WDSUB1: variants seen among roughly 807,000 people sequenced by gnomAD.
WDSUB1 encodes WD repeat, sterile alpha motif and U-box domain containing 1, also known as WD repeat, SAM and U-box domain-containing protein 1.
Under a neutral mutation model 53.9 loss-of-function variants are expected in WDSUB1, and 49 were observed. The ratio of observed to expected loss-of-function variants is 0.91; its 90% CI spans 0.72 to 1.15. The LOEUF (loss-of-function observed/expected upper bound fraction) is 1.15, where lower values mean the gene tolerates loss of function less well. Ranked by LOEUF, WDSUB1 falls within the 50% of genes most tolerant of loss-of-function variation. WDSUB1 has a pLI of 0.00. For missense variants in WDSUB1, 514 were observed against 562.0 expected (o/e 0.91, Z 0.86); for synonymous variants, 194 against 200.6 (o/e 0.97, Z 0.28).
rs1559532194 is a variant in WDSUB1 at position 159,247,920 on chromosome 2, TATATATAAATATATATATATATAA to T, written c.1273+428_1273+451del. The stretch of plus-strand genomic sequence containing the variant: ...ATATATATATATATAAATATATATA[TATATATAAATATATATATATATAA>T]AATTTGGATTCACTGATTACAACTA... On this transcript the variant is annotated intron_variant, in intron 10 of 10. Coordinates refer to ENST00000359774, the MANE Select transcript of WDSUB1 (RefSeq NM_001128212.3). 4.6e-3 allele frequency among the ~76,000 whole-genome samples: 351 copies of T among 76,008 alleles called. 6 individuals are homozygous for T. The highest frequency in any genetic ancestry group is 0.026 in the African/African-American group (332 of 12,982). The allele number at this position is 76,008 out of a possible 152,430, so 49.9% of individuals were successfully genotyped here. A position where few individuals can be genotyped will look rare whatever the true frequency, so the allele number is the denominator to read the frequency against.
At position 159,248,414 on chromosome 2, in the gene WDSUB1, G is replaced by C; in HGVS notation, c.1231C>G (p.Pro411Ala). 1 of 1,611,322 alleles carries C rather than the reference G, an allele frequency of 6.2e-7. No individual in the cohort carries two copies. Among genetic ancestry groups the C allele is most frequent in the Non-Finnish European group, 8.5e-7 (1 of 1,179,012 alleles). The change falls in exon 10 of 11, where the codon CCA becomes GCA. Residue 411 changes from proline to alanine, a missense_variant. Coordinates refer to ENST00000359774, the MANE Select transcript of WDSUB1 (RefSeq NM_001128212.3). ...TCTTTCATAAGTTCTCTAGTTATTG[G>C]ACATATAAATTCATCAGGAATTCCT... ...SSGIPDEFICPITRELMKDPV... is the reference protein window; with the variant it reads ...SSGIPDEFICAITRELMKDPV...
intron 10 of WDSUB1, among the ~76,000 whole-genome samples, chr2:159,242,930 TAAGGAAAA>T: frequency 6.8e-6 from 1 of 147,560 alleles, no homozygotes; most frequent in South Asian, 2.1e-4. Context: ...AAAATATACA[TAAGGAAAA>T]ACTGAAAAAA....
At position 159,280,708 on chromosome 2, in the gene WDSUB1, A is replaced by AAAAAAAAAAAAAAAAAAAAC. The variant is rs111752652; in HGVS notation, c.399-764_399-763insGTTTTTTTTTTTTTTTTTTT. 2.6e-3 allele frequency among the ~76,000 whole-genome samples: 354 copies of AAAAAAAAAAAAAAAAAAAAC among 134,186 alleles called. 15 individuals are homozygous for AAAAAAAAAAAAAAAAAAAAC. The highest frequency in any genetic ancestry group is 6.4e-3 in the African/African-American group (190 of 29,606). 88.0% of individuals were successfully genotyped at this position (134,186 alleles called of 152,430 possible). ...TCCGTCTCAAAAAAAAAAAAAAAAA[A>AAAAAAAAAAAAAAAAAAAAC]ATTACCCAGAAGCAATGGCGAGGTC... is the stretch of plus-strand genomic sequence containing the variant. On this transcript the variant is annotated intron_variant, in intron 2 of 10. Coordinates refer to ENST00000359774, the MANE Select transcript of WDSUB1 (RefSeq NM_001128212.3).
rs561194106 is a variant in WDSUB1 at position 159,244,732 on chromosome 2, C to A, written c.1273+3640G>T. Among the ~76,000 whole-genome samples the A allele has an allele frequency of 4.6e-5, 7 of 152,226 alleles. No individual in the cohort carries two copies. The East Asian group carries it at 1.4e-3, about 29-fold the overall frequency. Reference sequence around the variant, plus strand: ...TTGAAGCCAGAAGTTCAGGACCAGCCTGGGCAACAGAGAGACCCCATCTCT... The same window carrying A: ...TTGAAGCCAGAAGTTCAGGACCAGCATGGGCAACAGAGAGACCCCATCTCT... On this transcript the variant is annotated intron_variant, in intron 10 of 10. Coordinates refer to ENST00000359774, the MANE Select transcript of WDSUB1 (RefSeq NM_001128212.3).
At chr2:159,266,777 G>C (rs994077782) in intron 5 of WDSUB1, among the ~76,000 whole-genome samples, 2 of 151,832 alleles carry the variant, frequency 1.3e-5, no homozygotes, top group African/African-American at 4.8e-5. Flanking sequence ...GGGTTTTTTT[G>C]TTGTTTTTTG....
rs2061350395 is a variant in WDSUB1 at position 159,266,453 on chromosome 2, G to T, written c.770+5249C>A. On this transcript the variant is annotated intron_variant, in intron 5 of 10. Coordinates refer to ENST00000359774, the MANE Select transcript of WDSUB1 (RefSeq NM_001128212.3). ...TCCGCCCGCCTCGGCCTCCCAAAGT[G>T]CTGGGATTACAGGCGTGAGCCACCG... Among the ~76,000 whole-genome samples, 3 of 152,220 alleles carry T rather than the reference G, an allele frequency of 2.0e-5. No individual in the cohort carries two copies. The South Asian group carries it at 6.2e-4, about 31-fold the overall frequency.
At chr2:159,278,834 G>A in intron 3 of WDSUB1, among the ~76,000 whole-genome samples, 1 of 152,120 alleles carries the variant, frequency 6.6e-6, no homozygotes, top group East Asian at 1.9e-4. Context: ...CTTGAAAAGG[G>A]GGGAAATACC....
chr2:159,239,641 C>T (rs995792436), intron 10 of WDSUB1, among the ~76,000 whole-genome samples: 1 of 152,094 alleles, frequency 6.6e-6, no homozygotes, highest in Non-Finnish European at 1.5e-5. Flanking sequence ...ATAAGAAAGT[C>T]GGCTAGGCTC....
chr2:159,259,717 A>C, intron 6 of WDSUB1, 93 bp downstream of exon 6: 1 of 1,322,266 alleles, frequency 7.6e-7, no homozygotes, highest in Non-Finnish European at 1.0e-6. Context: ...TAAACAGAAA[A>C]AATATATACT....
chr2:159,253,349 G>A (rs558088973), intron 9 of WDSUB1, among the ~76,000 whole-genome samples: 16 of 151,358 alleles, frequency 1.1e-4, no homozygotes, highest in African/African-American at 2.9e-4. Flanking sequence ...AAAGCTGTAC[G>A]TCTATTGTAC....
intron 10 of WDSUB1, among the ~76,000 whole-genome samples, chr2:159,238,305 G>A: frequency 1.1e-5 from 1 of 94,006 alleles, no homozygotes; most frequent in Admixed American, 9.5e-5. Context: ...TTCTATCAAG[G>A]AATTTACTTA....
Position 159,236,130 on chromosome 2 carries a change from C to T in WDSUB1, c.1334G>A (p.Ser445Asn). 1.2e-6 allele frequency: 2 copies of T among 1,613,524 alleles called. No individual in the cohort carries two copies. Among genetic ancestry groups the T allele is most frequent in the South Asian group, 1.1e-5 (1 of 90,928 alleles). Reference sequence around the variant, plus strand: ...AGGAAGAACAAGATTTGTCATGGGACTTGTACGTTTCTTTTTGCTGATCCA... The same window carrying T: ...AGGAAGAACAAGATTTGTCATGGGATTTGTACGTTTCTTTTTGCTGATCCA... ...ENWISKKKRTSPMTNLVLPSA... is the reference protein window; with the variant it reads ...ENWISKKKRTNPMTNLVLPSA... Residue 445 changes from serine to asparagine, a missense_variant, in exon 11 of 11, where the codon AGT (serine) becomes AAT (asparagine). Transcript: ENST00000359774.
At chr2:159,258,024 AAGAGT>A in intron 6 of WDSUB1, 39 bp from the exon 7 acceptor site, 1 of 1,574,072 alleles carries the variant, frequency 6.4e-7, no homozygotes, top group South Asian at 1.1e-5. Flanking sequence ...TTACTCAAGT[AAGAGT>A]AAAGTTACTG....
chr2:159,243,805 T>C (rs1158297805), intron 10 of WDSUB1, among the ~76,000 whole-genome samples: 3 of 152,182 alleles, frequency 2.0e-5, no homozygotes, highest in East Asian at 1.9e-4. Context: ...CAAAAAAACA[T>C]GTACAGAAAG....
rs949516172 is a variant in WDSUB1 at position 159,235,825 on chromosome 2, G to A, written c.*208C>T. On this transcript the variant is annotated 3_prime_UTR_variant, in exon 11 of 11. Coordinates refer to ENST00000359774, the MANE Select transcript of WDSUB1 (RefSeq NM_001128212.3). ...TAAAGTATAACTTTATTTCTATATA[G>A]CTGAAGATTCTTTTCACTAGTACAA... 2.2e-5 allele frequency: 9 copies of A among 403,728 alleles called. No homozygotes were observed. Among genetic ancestry groups the A allele is most frequent in the African/African-American group, 1.9e-4 (9 of 48,424 alleles). The allele number at this position is 403,728 out of a possible 1,614,324, so 25.0% of individuals were successfully genotyped here.
intron 10 of WDSUB1, among the ~76,000 whole-genome samples, chr2:159,247,910 A>ATATATATAAATATATATAT (rs2060846247): frequency 1.7e-4 from 3 of 17,682 alleles, no homozygotes; most frequent in Non-Finnish European, 4.0e-4. Flanking sequence ...TATATATATA[A>ATATATATAAATATATATAT]ATATATATAT....
At chr2:159,241,452 C>A (rs2060644514) in intron 10 of WDSUB1, among the ~76,000 whole-genome samples, 1 of 152,098 alleles carries the variant, frequency 6.6e-6, no homozygotes, top group South Asian at 2.1e-4. Context: ...ATCCTAGCTA[C>A]TAGGGAGGCT....
chr2:159,267,847 CTAAA>C (rs758032859), intron 5 of WDSUB1, among the ~76,000 whole-genome samples: 3 of 152,156 alleles, frequency 2.0e-5, no homozygotes, highest in East Asian at 1.9e-4. Context: ...CTTCTAAAAA[CTAAA>C]TGTTTATTAA....
chr2:159,246,953 G>C (rs1465173159), intron 10 of WDSUB1, among the ~76,000 whole-genome samples: 2 of 152,122 alleles, frequency 1.3e-5, no homozygotes, highest in Non-Finnish European at 2.9e-5. Flanking sequence ...CCTGTCTATG[G>C]TCACGTGTGG....
Sources: allele counts gnomAD v4.1 joint callset (sites outside exome capture counted in the v4.1 genomes callset), GRCh38; gene constraint gnomAD v4.1.1; transcripts MANE v1.5; gene names NCBI Gene and HGNC (gene_info 2026-07-23, HGNC 2026-07-21).